The following MMAB variants were observed in gnomAD, a reference collection of about 807,000 sequenced individuals.
MMAB encodes metabolism of cobalamin associated B.
In MMAB, 17 loss-of-function variants were observed where a neutral mutation model predicts 30.6. The ratio of observed to expected loss-of-function variants is 0.56; its 90% CI spans 0.38 to 0.83. The LOEUF is 0.83. Among genes scored for constraint, MMAB ranks in the 40% least tolerant of loss-of-function variants. The pLI, the probability that MMAB is intolerant of heterozygous loss-of-function variation, is 0.00. For missense variants in MMAB, 311 were observed against 331.6 expected, an observed-to-expected ratio of 0.94 and a Z score of 0.48; for synonymous variants, 134 against 138.6, an observed-to-expected ratio of 0.97 and a Z score of 0.23.
At position 109,556,624 on chromosome 12, in the gene MMAB, A is replaced by C. The variant is rs148289390; in HGVS notation, c.*404T>G. The C allele has an allele frequency of 9.4e-4, 424 of 451,040 alleles. 2 individuals are homozygous for C. Among genetic ancestry groups the C allele is most frequent in the African/African-American group, 8.8e-3 (397 of 45,176 alleles). 27.9% of individuals were successfully genotyped at this position (451,040 alleles called of 1,614,324 possible). On this transcript the variant is annotated 3_prime_UTR_variant, in exon 9 of 9. Coordinates refer to ENST00000545712, the MANE Select transcript of MMAB (RefSeq NM_052845.4). ...CCATTCCAAATCTGTGAACAACCTG[A>C]GCTGGCAGTGGGAGGGCTCTCTCTC...
At position 109,561,068 on chromosome 12, in the gene MMAB, G is replaced by A. The variant is rs28941784; in HGVS notation, c.556C>T (p.Arg186Trp). The A allele has an allele frequency of 2.7e-4, 405 of 1,525,838 alleles. No individual in the cohort carries two copies. The highest frequency in any genetic ancestry group is 3.3e-4 in the Non-Finnish European group (375 of 1,126,078). The allele number at this position is 1,525,838 out of a possible 1,614,324, so 94.5% of individuals were successfully genotyped here. ...CTCTCGGCCCGGCGGCACACGGCCC[G>A]GCAGAAATGCAGCGCCGAGCTGATC... ...GKISSALHFC[R>W]AVCRRAERRV... The change falls in exon 7 of 9, where the codon CGG (arginine) becomes TGG (tryptophan). Residue 186 changes from arginine to tryptophan, a missense_variant. Arg to Trp is a moderately radical substitution (Grantham distance 101). Transcript: ENST00000545712. This position sits in a 1 kb window ranked among gnomAD's most constrained non-coding sequence, Gnocchi z 5.3.
In MMAB at chr12:109,556,828, G is replaced by A. The variant is rs780679826; in HGVS notation, c.*200C>T. 33 of 675,162 alleles carry A rather than the reference G, an allele frequency of 4.9e-5. No individual in the cohort carries two copies. The highest frequency in any genetic ancestry group is 8.1e-5 in the Non-Finnish European group (30 of 368,972). The allele number at this position is 675,162 out of a possible 1,614,324, so 41.8% of individuals were successfully genotyped here. On this transcript the variant is annotated 3_prime_UTR_variant, in exon 9 of 9. Coordinates refer to ENST00000545712, the MANE Select transcript of MMAB (RefSeq NM_052845.4). ...GACCCAGGAGAGCTTGGGGAAGCAG[G>A]GTCAGGGACAGAATCCCCAAAGGGT...
rs1240771393 is a variant in MMAB at position 109,556,423 on chromosome 12, G to C, written c.*605C>G. The stretch of plus-strand genomic sequence containing the variant: ...ACACACACTTCAATCTAAGCCAGGA[G>C]TTTCTGAGCCTCGCCTGTCAATCTG... On this transcript the variant is annotated 3_prime_UTR_variant, in exon 9 of 9. Transcript: ENST00000545712. 2.4e-5 allele frequency: 11 copies of C among 454,086 alleles called. No individual in the cohort carries two copies. Among genetic ancestry groups the C allele is most frequent in the Non-Finnish European group, 4.4e-5 (10 of 226,792 alleles). The allele number at this position is 454,086 out of a possible 1,614,324, so 28.1% of individuals were successfully genotyped here.
rs1306423839 is a variant in MMAB, at chr12:109,554,877, C to T, written c.*2151G>A. On this transcript the variant is annotated 3_prime_UTR_variant, in exon 9 of 9. Coordinates refer to ENST00000545712, the MANE Select transcript of MMAB (RefSeq NM_052845.4). ...GGTTGGTAGCACAGGAGAGAAACAC[C>T]TGCTGAGTGGTGGCATCTGCCCTGC... 2 of 453,780 alleles carry T rather than the reference C, an allele frequency of 4.4e-6. No homozygotes were observed. 28.1% of individuals were successfully genotyped at this position (453,780 alleles called of 1,614,324 possible). A position where few individuals can be genotyped will look rare whatever the true frequency, so the allele number is the denominator to read the frequency against.
At position 109,556,323 on chromosome 12, in the gene MMAB, C is replaced by T. The variant is rs192627748; in HGVS notation, c.*705G>A. On this transcript the variant is annotated 3_prime_UTR_variant, in exon 9 of 9. Coordinates refer to ENST00000545712, the MANE Select transcript of MMAB (RefSeq NM_052845.4). ...AGTCCAACCAGACAGGGAATGTTCA[C>T]CTTCAAGTGGTAGTGTTGTTCTCAT... 3 of 453,570 alleles carry T rather than the reference C, an allele frequency of 6.6e-6. No individual in the cohort carries two copies. The Admixed American group carries it at 7.0e-5, about 11-fold the overall frequency. 28.1% of individuals were successfully genotyped at this position (453,570 alleles called of 1,614,324 possible).
rs1176475195 is a variant in MMAB at position 109,554,271 on chromosome 12, C to T, written c.*2757G>A. On this transcript the variant is annotated 3_prime_UTR_variant, in exon 9 of 9. Transcript: ENST00000545712. ...ACTTGGCTCAGGGCACTGCACATAG[C>T]AAGCCCTTCCACAGTGCGGGCTGGT... 1 of 453,976 alleles carries T rather than the reference C, an allele frequency of 2.2e-6. No individual in the cohort carries two copies. Among genetic ancestry groups the T allele is most frequent in the African/African-American group, 2.0e-5 (1 of 50,012 alleles). The allele number at this position is 453,976 out of a possible 1,614,324, so 28.1% of individuals were successfully genotyped here.
rs576738108 is a variant in MMAB at position 109,555,546 on chromosome 12, G to A, written c.*1482C>T. ...TGACCTCAGGTGATCTGCCTGCCTC[G>A]GCCTCCCAAAGTCCGTTTTCAGCTC... is the stretch of plus-strand genomic sequence containing the variant. On this transcript the variant is annotated 3_prime_UTR_variant, in exon 9 of 9. Transcript: ENST00000545712. 1.1e-4 allele frequency: 49 copies of A among 444,798 alleles called. No individual in the cohort carries two copies. The highest frequency in any genetic ancestry group is 2.0e-4 in the Non-Finnish European group (44 of 223,270). 27.6% of individuals were successfully genotyped at this position (444,798 alleles called of 1,614,324 possible).
In MMAB at chr12:109,553,771, G is replaced by A. The variant is rs1052542779; in HGVS notation, c.*3257C>T. ...CAAAGAATTTTATTCAATTAAACTT[G>A]AAATGCATCTGGATTCTTAAAGGTT... is the stretch of plus-strand genomic sequence containing the variant. On this transcript the variant is annotated 3_prime_UTR_variant, in exon 9 of 9. Coordinates refer to ENST00000545712, the MANE Select transcript of MMAB (RefSeq NM_052845.4). 2 of 429,610 alleles carry A rather than the reference G, an allele frequency of 4.7e-6. No individual in the cohort carries two copies. Among genetic ancestry groups the A allele is most frequent in the Admixed American group, 5.0e-5 (2 of 39,948 alleles). The allele number at this position is 429,610 out of a possible 1,614,324, so 26.6% of individuals were successfully genotyped here. A position where few individuals can be genotyped will look rare whatever the true frequency, so the allele number is the denominator to read the frequency against.
At chr12:109,563,563 T>C (rs1884292859) in intron 4 of MMAB, among the ~76,000 whole-genome samples, 1 of 152,154 alleles carries the variant, frequency 6.6e-6, no homozygotes, top group East Asian at 1.9e-4. Context: ...TTAGAGGATG[T>C]GGAAATCCAG....
In MMAB at chr12:109,556,805, C is replaced by T. The variant is rs571282119; in HGVS notation, c.*223G>A. On this transcript the variant is annotated 3_prime_UTR_variant, in exon 9 of 9. Transcript: ENST00000545712. ...AATTCATTCCCACATCCCTCCAAGA[C>T]CCAGGAGAGCTTGGGGAAGCAGGGT... The T allele has an allele frequency of 2.7e-5, 18 of 659,544 alleles. No homozygotes were observed. The East Asian group carries it at 5.0e-4, about 18-fold the overall frequency. 40.9% of individuals were successfully genotyped at this position (659,544 alleles called of 1,614,324 possible). A position where few individuals can be genotyped will look rare whatever the true frequency, so the allele number is the denominator to read the frequency against.
chr12:109,571,504 G>T, intron 2 of MMAB, 145 bp downstream of exon 2: 1 of 731,822 alleles, frequency 1.4e-6, no homozygotes, highest in Non-Finnish European at 2.4e-6. Flanking sequence ...AGCCCAACAG[G>T]GCCTCCCAAA....
chr12:109,555,783 G>A lies in MMAB; in HGVS notation c.*1245C>T, dbSNP rs1283367677. ...ACAAGTGAATATACCTGGCCCTCCT[G>A]CAAACTTTGCAGGCCAGGTGGTAAG... is the stretch of plus-strand genomic sequence containing the variant. On this transcript the variant is annotated 3_prime_UTR_variant, in exon 9 of 9. Transcript: ENST00000545712. 2 of 454,052 alleles carry A rather than the reference G, an allele frequency of 4.4e-6. No homozygotes were observed. Among genetic ancestry groups the A allele is most frequent in the Non-Finnish European group, 8.8e-6 (2 of 226,776 alleles). 28.1% of individuals were successfully genotyped at this position (454,052 alleles called of 1,614,324 possible). A position where few individuals can be genotyped will look rare whatever the true frequency, so the allele number is the denominator to read the frequency against.
At chr12:109,564,390 T>G (rs1038642190) in intron 4 of MMAB, among the ~76,000 whole-genome samples, 3 of 151,078 alleles carry the variant, frequency 2.0e-5, no homozygotes, top group African/African-American at 7.3e-5. Flanking sequence ...TTTTTTTTTT[T>G]TTTTTTTTTT....
chr12:109,567,494 C>A (rs1884477360), intron 3 of MMAB, among the ~76,000 whole-genome samples: 1 of 152,174 alleles, frequency 6.6e-6, no homozygotes, highest in Non-Finnish European at 1.5e-5. Context: ...CCCCTGTCAC[C>A]AGCCTGTAGG....
intron 2 of MMAB, 111 bp from the exon 3 acceptor site, chr12:109,568,974 G>T: frequency 1.2e-6 from 1 of 815,520 alleles, no homozygotes. Flanking sequence ...TTTTTGAACA[G>T]TCACTCTGTC....
intron 2 of MMAB, 69 bp from the exon 3 acceptor site, chr12:109,568,932 TAAACTTTCAAAGA>T: frequency 6.3e-6 from 7 of 1,111,634 alleles, no homozygotes; most frequent in Non-Finnish European, 9.6e-6. Context: ...TTTTTTTTTT[TAAACTTTCAAAGA>T]TTTTAAAGAA....
Position 109,554,384 on chromosome 12 carries a change from G to A in MMAB, c.*2644C>T, listed in dbSNP as rs1268885082. The A allele has an allele frequency of 4.4e-6, 2 of 453,974 alleles. No homozygotes were observed. Among genetic ancestry groups the A allele is most frequent in the African/African-American group, 2.0e-5 (1 of 49,986 alleles). 28.1% of individuals were successfully genotyped at this position (453,974 alleles called of 1,614,324 possible). A position where few individuals can be genotyped will look rare whatever the true frequency, so the allele number is the denominator to read the frequency against. On this transcript the variant is annotated 3_prime_UTR_variant, in exon 9 of 9. Transcript: ENST00000545712. ...GACACTAAACACCCCATTCCAGGGAGCCTGACCTGGAGGCGGAGGAGGCAT... is the reference window on the plus strand; with the variant it reads ...GACACTAAACACCCCATTCCAGGGAACCTGACCTGGAGGCGGAGGAGGCAT...
intron 3 of MMAB, chr12:109,568,496 C>T: frequency 1.7e-6 from 1 of 571,972 alleles, no homozygotes; most frequent in Non-Finnish European, 3.1e-6. Context: ...GTGGCACACA[C>T]AGGCTCACCT....
Position 109,565,176 on chromosome 12 carries a change from C to T in MMAB, c.291G>A (p.Gly97=), listed in dbSNP as rs759601339. ...GTTDELSSAI[G]FALELVTEKG... is the part of the protein sequence containing the mutation. ...TTTCTGTGACTAATTCCAGAGCAAA[C>T]CTATGAAGAAAAAGGAAAAAGAATT... Residue 97 remains glycine (G), a splice_region_variant and synonymous_variant, in exon 4 of 9, where the codon GGG becomes GGA. Transcript: ENST00000545712. The T allele has an allele frequency of 3.7e-6, 6 of 1,613,524 alleles. No homozygotes were observed. The South Asian group carries it at 5.5e-5, about 15-fold the overall frequency.
Sources: allele counts gnomAD v4.1 joint callset (sites outside exome capture counted in the v4.1 genomes callset), GRCh38; gene constraint gnomAD v4.1.1; non-coding constraint Gnocchi (gnomAD v3.1); transcripts MANE v1.5; gene names NCBI Gene and HGNC (gene_info 2026-07-23, HGNC 2026-07-21).